The following UTRN variants were observed in gnomAD, a reference collection of about 807,000 sequenced individuals.
The protein encoded by UTRN is utrophin.
In UTRN, 283 loss-of-function variants were observed where a neutral mutation model predicts 463.9. The ratio of observed to expected loss-of-function variants is 0.61; its 90% CI spans 0.55 to 0.67. UTRN has a LOEUF of 0.67. Among genes scored for constraint, UTRN ranks in the 30% least tolerant of loss-of-function variants. UTRN has a pLI of 0.00. For missense variants in UTRN, 3,922 were observed against 4,084.3 expected (o/e 0.96, Z 1.08); for synonymous variants, 1,442 against 1,431.5 (o/e 1.01, Z -0.17).
intron 34 of UTRN, among the ~76,000 whole-genome samples, chr6:144,499,980 G>A (rs1460874589): frequency 6.6e-6 from 1 of 152,206 alleles, no homozygotes; most frequent in Non-Finnish European, 1.5e-5. Flanking sequence ...ACTCCATGGT[G>A]TATATGTATC....
intron 3 of UTRN, among the ~76,000 whole-genome samples, chr6:144,406,242 T>C (rs977708155): frequency 2.6e-5 from 4 of 152,222 alleles, no homozygotes; most frequent in Admixed American, 2.6e-4. Flanking sequence ...GAGTTATGAC[T>C]TTACCTTGTT....
At chr6:144,484,674 C>A (rs1036958484) in intron 27 of UTRN, among the ~76,000 whole-genome samples, 1 of 151,818 alleles carries the variant, frequency 6.6e-6, no homozygotes, top group African/African-American at 2.4e-5. Flanking sequence ...AACTCCTGAC[C>A]TCATGTGATC....
At chr6:144,502,504 G>A (rs531327808) in intron 34 of UTRN, among the ~76,000 whole-genome samples, 3 of 152,122 alleles carry the variant, frequency 2.0e-5, no homozygotes, top group East Asian at 1.9e-4. Context: ...GTGAGAATAT[G>A]TGGTGTTTGG....
At chr6:144,611,835 T>C (rs1385551286) in intron 51 of UTRN, among the ~76,000 whole-genome samples, 2 of 152,188 alleles carry the variant, frequency 1.3e-5, no homozygotes, top group Admixed American at 1.3e-4. Flanking sequence ...TGTCATTTTT[T>C]ACAGAAATAG....
At chr6:144,668,724 C>T (rs1189194845) in intron 51 of UTRN, among the ~76,000 whole-genome samples, 1 of 152,142 alleles carries the variant, frequency 6.6e-6, no homozygotes, top group African/African-American at 2.4e-5. Flanking sequence ...TTCATGAGAG[C>T]TCCACCCATG....
At chr6:144,633,269 A>G (rs529595960) in intron 51 of UTRN, among the ~76,000 whole-genome samples, 81 of 130,170 alleles carry the variant, frequency 6.2e-4, no homozygotes, top group Non-Finnish European at 9.7e-4. Context: ...TTGCTCTGTC[A>G]CCCAGGCTGA....
chr6:144,717,254 A>C (rs1786564295), intron 53 of UTRN, among the ~76,000 whole-genome samples: 1 of 152,230 alleles, frequency 6.6e-6, no homozygotes, highest in Non-Finnish European at 1.5e-5. Context: ...TTGGAATATC[A>C]GACACCTGAG....
At chr6:144,349,308 C>A (rs1361386724) in intron 2 of UTRN, among the ~76,000 whole-genome samples, 2 of 152,114 alleles carry the variant, frequency 1.3e-5, no homozygotes, top group Non-Finnish European at 2.9e-5. Flanking sequence ...GCGCCTGGCC[C>A]TGAGCAGTTC....
At chr6:144,313,174 A>G (rs1775049398) in intron 2 of UTRN, among the ~76,000 whole-genome samples, 1 of 152,144 alleles carries the variant, frequency 6.6e-6, no homozygotes, top group Non-Finnish European at 1.5e-5. Flanking sequence ...AAAGAGAAGT[A>G]AAAAATAAGC....
chr6:144,449,663 C>G (rs1402225084), intron 17 of UTRN, among the ~76,000 whole-genome samples: 1 of 152,192 alleles, frequency 6.6e-6, no homozygotes, highest in African/African-American at 2.4e-5. Flanking sequence ...TCACATTTTA[C>G]AGGGAAAATC....
chr6:144,418,399 A>G (rs938029228), intron 3 of UTRN, among the ~76,000 whole-genome samples: 87 of 128,168 alleles, frequency 6.8e-4, no homozygotes, highest in Admixed American at 1.5e-3. Context: ...TTTTTTTTGT[A>G]TTTTTAGTAG....
At chr6:144,844,270 CTTT>C (rs543418042) in intron 73 of UTRN, among the ~76,000 whole-genome samples, 1 of 143,642 alleles carries the variant, frequency 7.0e-6, no homozygotes, top group African/African-American at 2.5e-5. Flanking sequence ...CTTTCTCTCT[CTTT>C]TTTTTTTTTT....
At chr6:144,791,894 G>A (rs1776791043) in intron 62 of UTRN, among the ~76,000 whole-genome samples, 1 of 152,110 alleles carries the variant, frequency 6.6e-6, no homozygotes, top group Non-Finnish European at 1.5e-5. Context: ...TGATCTTGCT[G>A]AAAATGTGCA....
chr6:144,798,285 G>T (rs979373804), intron 64 of UTRN, among the ~76,000 whole-genome samples: 1 of 152,138 alleles, frequency 6.6e-6, no homozygotes, highest in Admixed American at 6.5e-5. Context: ...CATGAAAACT[G>T]TATGGCTGAT....
rs113136064 is a variant in UTRN, at chr6:144,468,591, A to AGTGT, written c.3067-5129_3067-5128insGTGT. ...TGTAAGAACTGAAGTCCCTTAAAGA[A>AGTGT]ATGTGTGTGTGTGTGTGTGTGTGTG... On this transcript the variant is annotated intron_variant, in intron 23 of 74. Transcript: ENST00000367545. 8.6e-3 allele frequency among the ~76,000 whole-genome samples: 1,298 copies of AGTGT among 150,382 alleles called. 27 individuals carry two copies. The highest frequency in any genetic ancestry group is 0.071 in the East Asian group (366 of 5,146).
intron 50 of UTRN, among the ~76,000 whole-genome samples, chr6:144,572,291 A>C (rs1261646339): frequency 2.0e-5 from 3 of 151,880 alleles, no homozygotes; most frequent in Non-Finnish European, 2.9e-5. Context: ...TTGATTTGCA[A>C]ACTGAGTTCT....
intron 2 of UTRN, among the ~76,000 whole-genome samples, chr6:144,382,475 C>G (rs1266565216): frequency 3.3e-5 from 5 of 152,188 alleles, no homozygotes; most frequent in African/African-American, 1.2e-4. Flanking sequence ...TGATGTTTTG[C>G]TACATCTGGG....
At chr6:144,611,928 C>T (rs1805569307) in intron 51 of UTRN, among the ~76,000 whole-genome samples, 1 of 152,060 alleles carries the variant, frequency 6.6e-6, no homozygotes, top group Non-Finnish European at 1.5e-5. Context: ...AAACAAAAAA[C>T]AAAGCTGGAA....
intron 26 of UTRN, among the ~76,000 whole-genome samples, chr6:144,481,117 TTTGA>T (rs201301793): frequency 0.014 from 2,163 of 152,312 alleles, 32 homozygotes; most frequent in African/African-American, 0.033. Context: ...TATTTAAATA[TTTGA>T]TTGGGCAACA....
Sources: gnomAD v4.1 joint callset for allele counts (sites outside exome capture counted in the v4.1 genomes callset) on GRCh38, gnomAD v4.1.1 for gene constraint, MANE v1.5 for transcripts, NCBI Gene and HGNC (gene_info 2026-07-23, HGNC 2026-07-21) for gene names.